SEPTIN9: variants seen among roughly 807,000 people sequenced by gnomAD.
The protein encoded by SEPTIN9 is septin 9.
A neutral mutation model predicts 56.6 loss-of-function variants in SEPTIN9; 13 were observed. That is an observed-to-expected ratio of 0.23 (90% CI 0.15 to 0.37). The LOEUF is 0.37. Ranked by LOEUF, SEPTIN9 falls within the 10% of genes least tolerant of loss-of-function variation. The pLI is 1.00. For synonymous variants in SEPTIN9, 332 were observed against 334.1 expected (o/e 0.99, Z 0.07); for missense variants, 650 against 823.1 (o/e 0.79, Z 2.57).
intron 3 of SEPTIN9, among the ~76,000 whole-genome samples, chr17:77,460,464 C>T (rs1473773931): frequency 1.3e-5 from 2 of 152,100 alleles, no homozygotes; most frequent in Admixed American, 1.3e-4. Context: ...GGCCCCTCTC[C>T]TTCTGGGTCC....
intron 3 of SEPTIN9, among the ~76,000 whole-genome samples, chr17:77,416,303 G>A (rs35217221): frequency 0.35 from 53,877 of 151,984 alleles, 10,045 homozygotes; most frequent in Non-Finnish European, 0.4. Flanking sequence ...GAACAGGAAG[G>A]AGCTGGTGAG....
At chr17:77,407,902 G>A (rs1434805781) in intron 3 of SEPTIN9, among the ~76,000 whole-genome samples, 1 of 152,216 alleles carries the variant, frequency 6.6e-6, no homozygotes, top group Non-Finnish European at 1.5e-5. Context: ...GCCTCTGGGT[G>A]GAGTGGGGTG....
At chr17:77,397,854 T>G (rs1372836901) in intron 2 of SEPTIN9, among the ~76,000 whole-genome samples, 1 of 152,212 alleles carries the variant, frequency 6.6e-6, no homozygotes, top group African/African-American at 2.4e-5. Context: ...TTTTACCATG[T>G]TGGCCAGGCT....
chr17:77,379,248 G>A (rs2035054043), intron 2 of SEPTIN9, among the ~76,000 whole-genome samples: 1 of 152,062 alleles, frequency 6.6e-6, no homozygotes, highest in African/African-American at 2.4e-5. Context: ...GGTGTCAGGA[G>A]GTGGAGGGGG....
intron 2 of SEPTIN9, among the ~76,000 whole-genome samples, chr17:77,308,054 G>T (rs1454486189): frequency 3.9e-5 from 6 of 152,190 alleles, no homozygotes; most frequent in Non-Finnish European, 7.3e-5. Context: ...CCCATCTAGT[G>T]GCTTTTCTAT....
intron 3 of SEPTIN9, chr17:77,466,531 C>G (rs1166053353): frequency 1.0e-6 from 1 of 985,364 alleles, no homozygotes; most frequent in Admixed American, 6.1e-5. Flanking sequence ...GCGGGCATTT[C>G]TTCCAGGAGG....
In SEPTIN9 at chr17:77,430,825, T is replaced by C. The variant is rs1303131941; in HGVS notation, c.721+28122T>C. On this transcript the variant is annotated intron_variant, in intron 3 of 11. Coordinates refer to ENST00000427177, the MANE Select transcript of SEPTIN9 (RefSeq NM_001113491.2). ...GGTCAACATGGCGAAACCCCATCTC[T>C]ACTGAAAATACAAAAATTAGCCAGG... is the stretch of plus-strand genomic sequence containing the variant. Among the ~76,000 whole-genome samples, 5 of 152,032 alleles carry C rather than the reference T, an allele frequency of 3.3e-5. No individual in the cohort carries two copies. In the East Asian group the frequency reaches 9.7e-4, roughly 29 times the overall value.
chr17:77,357,754 G>A (rs553055903), intron 2 of SEPTIN9, among the ~76,000 whole-genome samples: 11 of 152,124 alleles, frequency 7.2e-5, no homozygotes, highest in East Asian at 5.8e-4. Flanking sequence ...AGCTGGGACC[G>A]CAGGCATCCA....
At chr17:77,343,039 A>ATCTATCTG (rs1409785729) in intron 2 of SEPTIN9, among the ~76,000 whole-genome samples, 19 of 147,588 alleles carry the variant, frequency 1.3e-4, no homozygotes, top group African/African-American at 4.7e-4. Context: ...CTATCTATCT[A>ATCTATCTG]TCTAGTCTCT....
At chr17:77,490,709 C>A (rs375544386) in intron 7 of SEPTIN9, 33 bp from the exon 8 acceptor site, 540 of 1,495,712 alleles carry the variant, frequency 3.6e-4, no homozygotes, top group Non-Finnish European at 4.8e-4. Flanking sequence ...CCCGCTCCCC[C>A]AGATGAGCCT....
intron 4 of SEPTIN9, 74 bp downstream of exon 4, chr17:77,482,409 T>G (rs1177816887): frequency 6.8e-7 from 1 of 1,469,024 alleles, no homozygotes; most frequent in Admixed American, 1.8e-5. Flanking sequence ...CCCACAAGCC[T>G]TTGGGCTTGG....
intron 4 of SEPTIN9, among the ~76,000 whole-genome samples, chr17:77,486,822 G>GC (rs909490981): frequency 1.3e-5 from 2 of 152,198 alleles, no homozygotes; most frequent in African/African-American, 4.8e-5. Flanking sequence ...CTAGCACATG[G>GC]CCCCACAGAC....
intron 2 of SEPTIN9, among the ~76,000 whole-genome samples, chr17:77,334,617 G>A (rs1261524052): frequency 2.0e-5 from 3 of 151,704 alleles, no homozygotes; most frequent in South Asian, 4.2e-4. Flanking sequence ...TTCCAGTTTC[G>A]ATTTATGATT....
At chr17:77,464,346 G>A (rs899860036) in intron 3 of SEPTIN9, among the ~76,000 whole-genome samples, 29 of 152,202 alleles carry the variant, frequency 1.9e-4, no homozygotes, top group African/African-American at 6.5e-4. Context: ...CCAAAGCGCT[G>A]GGATTACAGG....
rs1479083502 is a variant in SEPTIN9, at chr17:77,327,921, C to T, written c.76+20724C>T. On this transcript the variant is annotated intron_variant, in intron 2 of 11. Transcript: ENST00000427177. The surrounding 1 kb of genome is among the most constrained non-coding windows in gnomAD (Gnocchi z 5.0). ...GGTTTCAGGTGGCAGGAGGCGTCCCCGTGCCTAGGGCATCCCGATGCTCAG... is the reference window on the plus strand; with the variant it reads ...GGTTTCAGGTGGCAGGAGGCGTCCCTGTGCCTAGGGCATCCCGATGCTCAG... Among the ~76,000 whole-genome samples the T allele has an allele frequency of 2.6e-5, 4 of 152,150 alleles. No homozygotes were observed. The highest frequency in any genetic ancestry group is 7.2e-5 in the African/African-American group (3 of 41,432).
rs140072549 is a variant in SEPTIN9, at chr17:77,402,201, C to T, written c.219C>T (p.Pro73=). Residue 73 remains proline, a synonymous_variant, in exon 3 of 12, where the codon CCC becomes CCT. Transcript: ENST00000427177. The surrounding 1 kb of genome is among the most constrained non-coding windows in gnomAD (Gnocchi z 6.6). ...FQDLGVKNSE[P]SARHVDSLSQ... ...ACCTGGGCGTGAAGAACTCAGAACCCTCGGCCCGCCATGTGGACTCCCTAA... is the reference window on the plus strand; with the variant it reads ...ACCTGGGCGTGAAGAACTCAGAACCTTCGGCCCGCCATGTGGACTCCCTAA... 9 of 1,613,720 alleles carry T rather than the reference C, an allele frequency of 5.6e-6. No individual in the cohort carries two copies. The highest frequency in any genetic ancestry group is 1.3e-5 in the African/African-American group (1 of 75,060).
chr17:77,420,325 C>T (rs961724852), intron 3 of SEPTIN9, among the ~76,000 whole-genome samples: 1 of 152,224 alleles, frequency 6.6e-6, no homozygotes, highest in African/African-American at 2.4e-5. Flanking sequence ...AAGTTTGCCT[C>T]CTCGGAACAC....
intron 2 of SEPTIN9, chr17:77,376,198 G>A (rs1342897490): frequency 6.1e-6 from 6 of 986,686 alleles, no homozygotes; most frequent in Non-Finnish European, 6.0e-6. Flanking sequence ...TGAGCTGGCT[G>A]GAGAGGGGGC....
At chr17:77,465,057 C>G (rs188894608) in intron 3 of SEPTIN9, among the ~76,000 whole-genome samples, 24 of 152,228 alleles carry the variant, frequency 1.6e-4, no homozygotes, top group Admixed American at 5.9e-4. Flanking sequence ...ATGAATTCAC[C>G]TGTTCTAGAT....
Sources: gnomAD v4.1 joint callset for allele counts (sites outside exome capture counted in the v4.1 genomes callset) on GRCh38, gnomAD v4.1.1 for gene constraint, Gnocchi (gnomAD v3.1) non-coding constraint, MANE v1.5 for transcripts, NCBI Gene and HGNC (gene_info 2026-07-23, HGNC 2026-07-21) for gene names.